The following CADPS2 variants were observed in gnomAD, a reference collection of about 807,000 sequenced individuals.
The protein encoded by CADPS2 is calcium dependent secretion activator 2.
Under a neutral mutation model 172.5 loss-of-function variants are expected in CADPS2, and 93 were observed. The ratio of observed to expected loss-of-function variants is 0.54; its 90% CI spans 0.46 to 0.64. CADPS2 has a LOEUF of 0.64. Ranked by LOEUF, CADPS2 falls within the 30% of genes least tolerant of loss-of-function variation. CADPS2 has a pLI of 0.00. For missense variants in CADPS2, 1,420 were observed against 1,565.9 expected, an observed-to-expected ratio of 0.91 and a Z score of 1.57; for synonymous variants, 546 against 555.2, an observed-to-expected ratio of 0.98 and a Z score of 0.23.
intron 17 of CADPS2, among the ~76,000 whole-genome samples, chr7:122,419,713 A>G (rs1391898567): frequency 6.6e-6 from 1 of 152,032 alleles, no homozygotes; most frequent in African/African-American, 2.4e-5. Flanking sequence ...TTGCACTTAT[A>G]TATTGCATTA....
At chr7:122,676,644 T>G in intron 2 of CADPS2, 1 of 1,520,296 alleles carries the variant, frequency 6.6e-7, no homozygotes, top group Non-Finnish European at 9.0e-7. Flanking sequence ...TCAAGTACCA[T>G]CTGGAGAGAC....
chr7:122,522,537 C>G (rs1005333224), intron 8 of CADPS2, among the ~76,000 whole-genome samples: 2 of 152,114 alleles, frequency 1.3e-5, no homozygotes, highest in Non-Finnish European at 2.9e-5. Flanking sequence ...TCTCCATCAC[C>G]TCAAACATTT....
At chr7:122,660,618 A>AC (rs972633766) in intron 3 of CADPS2, among the ~76,000 whole-genome samples, 58 of 151,570 alleles carry the variant, frequency 3.8e-4, no homozygotes, top group Non-Finnish European at 6.3e-4. Context: ...AAAAAAAAAA[A>AC]AGAAAACTTG....
chr7:122,416,265 A>G (rs1367881994), intron 17 of CADPS2, 101 bp from the exon 18 acceptor site: 2 of 548,708 alleles, frequency 3.6e-6, no homozygotes, highest in African/African-American at 3.7e-5. Flanking sequence ...AGAATGAGAA[A>G]TAAGAAATAC....
At chr7:122,836,740 T>C (rs1040372378) in intron 1 of CADPS2, among the ~76,000 whole-genome samples, 3 of 152,210 alleles carry the variant, frequency 2.0e-5, no homozygotes, top group African/African-American at 4.8e-5. Flanking sequence ...ATCTTAAATA[T>C]ATATGCACCC....
intron 15 of CADPS2, among the ~76,000 whole-genome samples, chr7:122,443,169 A>G (rs889588385): frequency 1.3e-5 from 2 of 152,204 alleles, no homozygotes; most frequent in African/African-American, 4.8e-5. Flanking sequence ...GATTACATTT[A>G]GCATTTCAGG....
intron 1 of CADPS2, among the ~76,000 whole-genome samples, chr7:122,884,751 T>G (rs776116641): frequency 7.9e-4 from 120 of 152,344 alleles, no homozygotes; most frequent in Non-Finnish European, 1.2e-3. Flanking sequence ...CTTATCCCCA[T>G]GATACTTATA....
chr7:122,605,424 G>A (rs1248126842), intron 6 of CADPS2, among the ~76,000 whole-genome samples: 1 of 151,890 alleles, frequency 6.6e-6, no homozygotes, highest in African/African-American at 2.4e-5. Context: ...GTCCATCATT[G>A]ACTGAAACAT....
intron 1 of CADPS2, among the ~76,000 whole-genome samples, chr7:122,807,331 C>T (rs893710202): frequency 2.6e-5 from 4 of 152,230 alleles, no homozygotes; most frequent in Non-Finnish European, 4.4e-5. Context: ...ATGTGTCCAT[C>T]CACCAGGCTG....
At chr7:122,716,502 G>C (rs1392348526) in intron 2 of CADPS2, among the ~76,000 whole-genome samples, 1 of 152,058 alleles carries the variant, frequency 6.6e-6, no homozygotes, top group African/African-American at 2.4e-5. Context: ...CACACAGAAA[G>C]GAACACATTT....
intron 8 of CADPS2, among the ~76,000 whole-genome samples, chr7:122,531,594 G>A (rs1397470195): frequency 6.6e-6 from 1 of 152,198 alleles, no homozygotes; most frequent in Non-Finnish European, 1.5e-5. Flanking sequence ...TCTCAGTTGA[G>A]TCTCAATCAG....
Position 122,516,869 on chromosome 7 carries a change from T to C in CADPS2, c.1476-3554A>G, listed in dbSNP as rs73717665. 7.8e-3 allele frequency among the ~76,000 whole-genome samples: 1,189 copies of C among 152,250 alleles called. 16 individuals are homozygous for C. The highest frequency in any genetic ancestry group is 0.028 in the African/African-American group (1,150 of 41,566). ...CCTTTCTATAATTCCACAATGTCTA[T>C]ATTGGCCATGTCTTCCTTTTATTGT... is the stretch of plus-strand genomic sequence containing the variant. On this transcript the variant is annotated intron_variant, in intron 8 of 29. Coordinates refer to ENST00000449022, the MANE Select transcript of CADPS2 (RefSeq NM_017954.11).
chr7:122,459,862 T>C (rs763116393), intron 14 of CADPS2, among the ~76,000 whole-genome samples: 4 of 152,130 alleles, frequency 2.6e-5, no homozygotes, highest in African/African-American at 4.8e-5. Flanking sequence ...ATAGAGTTTA[T>C]AGTGGGAAAA....
chr7:122,810,732 A>T (rs2140152928), intron 1 of CADPS2, among the ~76,000 whole-genome samples: 1 of 152,264 alleles, frequency 6.6e-6, no homozygotes, highest in South Asian at 2.1e-4. Flanking sequence ...CTGGGACTAC[A>T]GGCACACACC....
chr7:122,559,272 GA>G (rs917827717), intron 7 of CADPS2, among the ~76,000 whole-genome samples: 11 of 152,000 alleles, frequency 7.2e-5, no homozygotes, highest in Non-Finnish European at 4.4e-5. Flanking sequence ...CGGCACCCTA[GA>G]AAAAAACACA....
intron 7 of CADPS2, among the ~76,000 whole-genome samples, chr7:122,564,299 CTTATTTAT>C (rs766974397): frequency 8.6e-5 from 13 of 152,016 alleles, no homozygotes; most frequent in Admixed American, 2.6e-4. Flanking sequence ...ATGGAAATTT[CTTATTTAT>C]TTATTTATTT....
At chr7:122,482,357 T>A (rs1345881087) in intron 11 of CADPS2, among the ~76,000 whole-genome samples, 1 of 152,166 alleles carries the variant, frequency 6.6e-6, no homozygotes, top group East Asian at 1.9e-4. Context: ...AGACTATTGA[T>A]ACCTAGTGGG....
At chr7:122,380,553 T>A (rs2042876706) in intron 24 of CADPS2, among the ~76,000 whole-genome samples, 1 of 152,074 alleles carries the variant, frequency 6.6e-6, no homozygotes, top group South Asian at 2.1e-4. Flanking sequence ...TACTCAGGAA[T>A]GACACTCCAC....
intron 29 of CADPS2, among the ~76,000 whole-genome samples, chr7:122,322,347 A>G (rs2032752966): frequency 6.6e-6 from 1 of 152,240 alleles, no homozygotes; most frequent in Middle Eastern, 3.2e-3. Context: ...TAATTTATAT[A>G]TAATTAAGAC....
Sources: gnomAD v4.1 joint callset for allele counts (sites outside exome capture counted in the v4.1 genomes callset) on GRCh38, gnomAD v4.1.1 for gene constraint, MANE v1.5 for transcripts, NCBI Gene and HGNC (gene_info 2026-07-23, HGNC 2026-07-21) for gene names.